The following KCNIP4 variants were observed in gnomAD, a reference collection of about 807,000 sequenced individuals.
The protein encoded by KCNIP4 is potassium voltage-gated channel interacting protein 4, also known as Kv channel-interacting protein 4.
Under a neutral mutation model 34.0 loss-of-function variants are expected in KCNIP4, and 12 were observed. The ratio of observed to expected loss-of-function variants is 0.35; its 90% CI spans 0.23 to 0.57. The LOEUF (loss-of-function observed/expected upper bound fraction) is 0.57. Among genes scored for constraint, KCNIP4 ranks in the 20% least tolerant of loss-of-function variants. The pLI is 0.83. For synonymous variants in KCNIP4, 124 were observed against 102.2 expected (o/e 1.21, Z -1.29); for missense variants, 238 against 311.7 (o/e 0.76, Z 1.78).
intron 1 of KCNIP4, among the ~76,000 whole-genome samples, chr4:21,377,009 T>A (rs1721021576): frequency 6.8e-6 from 1 of 147,576 alleles, no homozygotes; most frequent in Non-Finnish European, 1.5e-5. Context: ...TAGGAAGGCA[T>A]TTTTTTTCCT....
At chr4:21,232,932 C>T (rs1156680479) in intron 1 of KCNIP4, among the ~76,000 whole-genome samples, 1 of 151,950 alleles carries the variant, frequency 6.6e-6, no homozygotes, top group African/African-American at 2.4e-5. Context: ...GTGAAAGGAC[C>T]AAGGGAGGTG....
intron 1 of KCNIP4, among the ~76,000 whole-genome samples, chr4:21,649,461 A>C (rs1036519381): frequency 1.8e-4 from 27 of 152,194 alleles, no homozygotes; most frequent in African/African-American, 5.8e-4. Context: ...ATTGAAAATA[A>C]ATATGTTCAA....
At chr4:21,276,535 A>T (rs926260298) in intron 1 of KCNIP4, among the ~76,000 whole-genome samples, 2 of 152,026 alleles carry the variant, frequency 1.3e-5, no homozygotes, top group Non-Finnish European at 2.9e-5. Flanking sequence ...ATTCCTCATC[A>T]TTGGATTCTG....
intron 2 of KCNIP4, among the ~76,000 whole-genome samples, chr4:20,871,730 C>T (rs1723482634): frequency 6.6e-6 from 1 of 152,034 alleles, no homozygotes; most frequent in Admixed American, 6.6e-5. Flanking sequence ...AAACATTTGC[C>T]CAGGGATAAA....
intron 1 of KCNIP4, among the ~76,000 whole-genome samples, chr4:21,696,607 C>A (rs1712342543): frequency 6.6e-6 from 1 of 152,058 alleles, no homozygotes; most frequent in South Asian, 2.1e-4. Flanking sequence ...GTATTTTAGT[C>A]CCACCTGTCA....
At chr4:21,879,206 TAGAG>T (rs1486173170) in intron 1 of KCNIP4, among the ~76,000 whole-genome samples, 2 of 152,162 alleles carry the variant, frequency 1.3e-5, no homozygotes, top group Admixed American at 6.5e-5. Flanking sequence ...TCAAGGAACT[TAGAG>T]AGGTCTGAAA....
intron 4 of KCNIP4, among the ~76,000 whole-genome samples, chr4:20,754,184 CAA>C (rs757048613): frequency 6.6e-6 from 1 of 152,126 alleles, no homozygotes; most frequent in Non-Finnish European, 1.5e-5. Flanking sequence ...CCCCTGCCAA[CAA>C]GAGGCTTTTG....
intron 1 of KCNIP4, among the ~76,000 whole-genome samples, chr4:20,982,585 G>T (rs1201739895): frequency 1.3e-5 from 2 of 152,206 alleles, no homozygotes; most frequent in Non-Finnish European, 2.9e-5. Flanking sequence ...TGAGAATAAA[G>T]AAGATACGAA....
intron 1 of KCNIP4, among the ~76,000 whole-genome samples, chr4:21,541,969 A>T (rs1217913353): frequency 1.3e-5 from 2 of 152,212 alleles, no homozygotes; most frequent in African/African-American, 4.8e-5. Flanking sequence ...AGAAAGTAAG[A>T]TAGTTTAACT....
intron 1 of KCNIP4, among the ~76,000 whole-genome samples, chr4:21,269,724 C>G (rs1432003345): frequency 6.6e-6 from 1 of 152,100 alleles, no homozygotes; most frequent in East Asian, 1.9e-4. Flanking sequence ...TGGGTGAATA[C>G]TGCCACATCT....
chr4:20,838,251 C>G (rs1341576863), intron 3 of KCNIP4, among the ~76,000 whole-genome samples: 2 of 152,138 alleles, frequency 1.3e-5, no homozygotes, highest in Non-Finnish European at 2.9e-5. Context: ...AGTCTTAGTA[C>G]TATTTCTAAA....
intron 1 of KCNIP4, among the ~76,000 whole-genome samples, chr4:20,891,342 C>A (rs1225415598): frequency 6.6e-6 from 1 of 152,152 alleles, no homozygotes; most frequent in Non-Finnish European, 1.5e-5. Flanking sequence ...CAAGGTGGCT[C>A]ATGCCTGTAA....
chr4:20,803,129 A>G (rs1257013501), intron 3 of KCNIP4, among the ~76,000 whole-genome samples: 1 of 151,512 alleles, frequency 6.6e-6, no homozygotes, highest in African/African-American at 2.4e-5. Context: ...AAATTACAAC[A>G]TACCAAAACC....
intron 1 of KCNIP4, among the ~76,000 whole-genome samples, chr4:21,696,544 G>A (rs1712337484): frequency 6.6e-6 from 1 of 152,038 alleles, no homozygotes; most frequent in South Asian, 2.1e-4. Context: ...ACCAAGATTT[G>A]TCTCTCAGAA....
chr4:20,903,085 A>C (rs1727346609), intron 1 of KCNIP4, among the ~76,000 whole-genome samples: 1 of 152,156 alleles, frequency 6.6e-6, no homozygotes, highest in Non-Finnish European at 1.5e-5. Context: ...TGAGGCCTAT[A>C]CCGGGATGCT....
chr4:21,147,796 G>A (rs1200276770), intron 1 of KCNIP4, among the ~76,000 whole-genome samples: 2 of 151,490 alleles, frequency 1.3e-5, no homozygotes, highest in South Asian at 2.1e-4. Context: ...AAAATTAGCC[G>A]AGCATGGTGG....
At chr4:21,372,863 CAA>C (rs1475052378) in intron 1 of KCNIP4, among the ~76,000 whole-genome samples, 1 of 145,280 alleles carries the variant, frequency 6.9e-6, no homozygotes, top group Non-Finnish European at 1.5e-5. Context: ...GGAGTGAATA[CAA>C]GAGTGTTAAT....
At chr4:20,802,853 C>A (rs1714517095) in intron 3 of KCNIP4, among the ~76,000 whole-genome samples, 1 of 151,786 alleles carries the variant, frequency 6.6e-6, no homozygotes, top group South Asian at 2.1e-4. Flanking sequence ...GGCGGGCGGA[C>A]CACGAGGTCA....
At chr4:21,733,664 G>A (rs897446804) in intron 1 of KCNIP4, among the ~76,000 whole-genome samples, 10 of 152,104 alleles carry the variant, frequency 6.6e-5, no homozygotes, top group Non-Finnish European at 1.3e-4. Flanking sequence ...TTAAGTACCC[G>A]AGCGAGAAAA....
Sources: allele counts gnomAD v4.1 joint callset (sites outside exome capture counted in the v4.1 genomes callset), GRCh38; gene constraint gnomAD v4.1.1; transcripts MANE v1.5; gene names NCBI Gene and HGNC (gene_info 2026-07-23, HGNC 2026-07-21).